NTAQ1: variants seen among roughly 807,000 people sequenced by gnomAD.
NTAQ1 encodes protein N-terminal glutamine amidohydrolase.
Under a neutral mutation model 28.2 loss-of-function variants are expected in NTAQ1, and 21 were observed. The ratio of observed to expected loss-of-function variants is 0.74; its 90% CI spans 0.53 to 1.07. NTAQ1 has a LOEUF of 1.07. NTAQ1 is among the 50% of genes least tolerant of loss of function. The probability of loss-of-function intolerance (pLI) is 0.00; values close to 1 mark genes in which losing one functional copy is unlikely to be tolerated. For missense variants in NTAQ1, 264 were observed against 256.6 expected (o/e 1.03, Z -0.20); for synonymous variants, 105 against 90.0 (o/e 1.17, Z -0.94).
chr8:123,469,112 A>C (rs1408088023), exon 7 of NTAQ1, among the ~76,000 whole-genome samples: 1 of 152,144 alleles, frequency 6.6e-6, no homozygotes, highest in Non-Finnish European at 1.5e-5. Flanking sequence ...TATATATTCT[A>C]GATATTAGTC....
At chr8:123,449,116 G>A (rs1815389602), downstream of NTAQ1, among the ~76,000 whole-genome samples, 1 of 152,180 alleles carries the variant, frequency 6.6e-6, no homozygotes, top group Admixed American at 6.5e-5. Context: ...GGCTCTGTGG[G>A]AGCCTTGGAG....
At chr8:123,425,355 G>A (rs1813984120) in intron 1 of NTAQ1, among the ~76,000 whole-genome samples, 2 of 151,872 alleles carry the variant, frequency 1.3e-5, no homozygotes, top group Admixed American at 1.3e-4. Flanking sequence ...GCCTCCCAAA[G>A]TGCTGGGATT....
At chr8:123,449,110 C>G (rs1336527791), downstream of NTAQ1, among the ~76,000 whole-genome samples, 6 of 152,174 alleles carry the variant, frequency 3.9e-5, no homozygotes, top group Admixed American at 3.3e-4. Flanking sequence ...CCATGTGGCT[C>G]TGTGGGAGCC....
chr8:123,447,888 G>A (rs1372179370), intron 6 of NTAQ1, among the ~76,000 whole-genome samples: 2 of 152,236 alleles, frequency 1.3e-5, no homozygotes, highest in African/African-American at 4.8e-5. Context: ...TGTGACTGGT[G>A]TGTGGCTGCT....
downstream of NTAQ1, among the ~76,000 whole-genome samples, chr8:123,451,343 C>A (rs1168248937): frequency 1.3e-5 from 2 of 151,738 alleles, no homozygotes; most frequent in African/African-American, 4.8e-5. Flanking sequence ...GTCTGTTTTC[C>A]TTTTTTTTAA....
At chr8:123,450,426 AAG>A (rs1203791424), downstream of NTAQ1, among the ~76,000 whole-genome samples, 1 of 141,348 alleles carries the variant, frequency 7.1e-6, no homozygotes, top group Admixed American at 7.1e-5. Context: ...GGGGCAGAGA[AAG>A]GGGGTGGTAC....
intron 6 of NTAQ1, chr8:123,447,913 A>G (rs1285913999): frequency 6.6e-6 from 1 of 152,186 alleles, no homozygotes; most frequent in East Asian, 1.9e-4. Flanking sequence ...CATGGACTAC[A>G]TTTCCCATTC....
intron 1 of NTAQ1, among the ~76,000 whole-genome samples, chr8:123,419,518 C>G (rs1216899625): frequency 6.6e-6 from 1 of 152,146 alleles, no homozygotes. Flanking sequence ...ATAGTGGCAG[C>G]CAGTATTTGT....
intron 5 of NTAQ1, chr8:123,438,187 C>T: frequency 1.4e-6 from 1 of 702,026 alleles, no homozygotes; most frequent in Non-Finnish European, 2.6e-6. Flanking sequence ...GGGTCCTTCA[C>T]CCTATTACTA....
rs912826365 is a variant in NTAQ1 at position 123,437,146 on chromosome 8, A to T, written c.384-64A>T. On this transcript the variant is annotated intron_variant, in intron 4 of 5. Coordinates refer to ENST00000287387, the MANE Select transcript of NTAQ1 (RefSeq NM_018024.3). ...TGTCATAGGAAATGAGTCGATATAAAAATGGAGTTAGAATTTCAAACATGA... is the reference window on the plus strand; with the variant it reads ...TGTCATAGGAAATGAGTCGATATAATAATGGAGTTAGAATTTCAAACATGA... The T allele has an allele frequency of 3.1e-6, 5 of 1,594,198 alleles. No homozygotes were observed. The African/African-American group carries it at 6.7e-5, about 21-fold the overall frequency.
chr8:123,421,543 C>T (rs1479669257), intron 1 of NTAQ1, among the ~76,000 whole-genome samples: 1 of 131,340 alleles, frequency 7.6e-6, no homozygotes, highest in Non-Finnish European at 1.6e-5. Flanking sequence ...GAGTCTTACT[C>T]TGTTGCCCAG....
At chr8:123,427,262 T>TTC (rs1814115677) in intron 1 of NTAQ1, among the ~76,000 whole-genome samples, 2 of 146,328 alleles carry the variant, frequency 1.4e-5, no homozygotes, top group South Asian at 2.3e-4. Context: ...TTTTTTTTTT[T>TTC]TTTTTTTGAG....
chr8:123,444,616 C>T (rs1815201735), downstream of NTAQ1, among the ~76,000 whole-genome samples: 1 of 152,256 alleles, frequency 6.6e-6, no homozygotes, highest in Non-Finnish European at 1.5e-5. Context: ...ACGCCATTCT[C>T]CTGCCTCAGC....
downstream of NTAQ1, among the ~76,000 whole-genome samples, chr8:123,470,434 C>A (rs1358725024): frequency 6.6e-6 from 1 of 152,106 alleles, no homozygotes; most frequent in Non-Finnish European, 1.5e-5. Context: ...GGGATGAGGC[C>A]CTACAGGCTG....
chr8:123,436,616 G>C lies in NTAQ1; in HGVS notation c.383+15G>C. 1 of 1,604,536 alleles carries C rather than the reference G, an allele frequency of 6.2e-7. No individual in the cohort carries two copies. Among genetic ancestry groups the C allele is most frequent in the Non-Finnish European group, 8.5e-7 (1 of 1,176,818 alleles). ...CAGTTTAGGAGGTGAGGACATTCAA[G>C]ATGGATTTACTTATTTTCTGAAGTA... On this transcript the variant is annotated intron_variant, in intron 4 of 5. Coordinates refer to ENST00000287387, the MANE Select transcript of NTAQ1 (RefSeq NM_018024.3).
At chr8:123,455,421 ATTTTTTT>A (rs925294146) in intron 6 of NTAQ1, among the ~76,000 whole-genome samples, 5 of 115,480 alleles carry the variant, frequency 4.3e-5, no homozygotes, top group Admixed American at 2.0e-4. Flanking sequence ...ATGCCCAGAA[ATTTTTTT>A]TTTTTTTTTT....
chr8:123,452,589 G>T (rs1010804343), downstream of NTAQ1, among the ~76,000 whole-genome samples: 1 of 149,326 alleles, frequency 6.7e-6, no homozygotes, highest in Non-Finnish European at 1.5e-5. Context: ...AGCAAGACTC[G>T]GTCTCCACAC....
chr8:123,444,349 G>A (rs765538230), downstream of NTAQ1, among the ~76,000 whole-genome samples: 38 of 151,740 alleles, frequency 2.5e-4, no homozygotes, highest in Admixed American at 2.6e-4. Context: ...ACAGGCATGC[G>A]CCGCTACACC....
chr8:123,416,968 G>A, intron 1 of NTAQ1, 36 bp downstream of exon 1: 2 of 1,410,718 alleles, frequency 1.4e-6, no homozygotes, highest in South Asian at 1.4e-5. Flanking sequence ...GGGTCTCCCA[G>A]GCTCCCGGGC....
Sources: allele counts gnomAD v4.1 joint callset (sites outside exome capture counted in the v4.1 genomes callset), GRCh38; gene constraint gnomAD v4.1.1; transcripts MANE v1.5; gene names NCBI Gene and HGNC (gene_info 2026-07-23, HGNC 2026-07-21).